MGAT4C: variants seen among roughly 807,000 people sequenced by gnomAD.
The protein encoded by MGAT4C is alpha-1,3-mannosyl-glycoprotein 4-beta-N-acetylglucosaminyltransferase C.
In MGAT4C, 19 loss-of-function variants were observed where a neutral mutation model predicts 40.1. That is an observed-to-expected ratio of 0.47 (90% CI 0.33 to 0.70). MGAT4C has a LOEUF of 0.70. Among genes scored for constraint, MGAT4C ranks in the 30% least tolerant of loss-of-function variants. MGAT4C has a pLI of 0.02. For synonymous variants in MGAT4C, 181 were observed against 187.1 expected (o/e 0.97, Z 0.27); for missense variants, 491 against 563.2 (o/e 0.87, Z 1.30).
At chr12:86,721,860 C>G (rs1216833850) in intron 2 of MGAT4C, among the ~76,000 whole-genome samples, 2 of 152,044 alleles carry the variant, frequency 1.3e-5, no homozygotes, top group Non-Finnish European at 2.9e-5. Flanking sequence ...AAATCTAATA[C>G]TGTATGTTTT....
rs2136577817 is a variant in MGAT4C, at chr12:86,679,996, G to A, written c.-229+47213C>T. Among the ~76,000 whole-genome samples, 4 of 151,986 alleles carry A rather than the reference G, an allele frequency of 2.6e-5. 1 individual carries two copies. Among genetic ancestry groups the A allele is most frequent in the Admixed American group, 2.6e-4 (4 of 15,232 alleles). ...ACCTCATTCACGGCCTTGATAAAAT[G>A]TCACTGATCACACAGGTCTTCCCTC... On this transcript the variant is annotated intron_variant, in intron 2 of 7. Coordinates refer to the MGAT4C transcript ENST00000548651.
chr12:86,501,279 G>C (rs892788449), intron 2 of MGAT4C, among the ~76,000 whole-genome samples: 1 of 152,024 alleles, frequency 6.6e-6, no homozygotes, highest in South Asian at 2.1e-4. Flanking sequence ...CATTACATTG[G>C]AATTTTAAAA....
At chr12:86,707,510 C>T (rs978228166) in intron 2 of MGAT4C, among the ~76,000 whole-genome samples, 26 of 148,758 alleles carry the variant, frequency 1.7e-4, no homozygotes, top group African/African-American at 5.2e-4. Context: ...GGGTATCTGG[C>T]GGAGGAATTT....
chr12:86,612,739 CAAA>C (rs767088175), intron 2 of MGAT4C, among the ~76,000 whole-genome samples: 5 of 58,720 alleles, frequency 8.5e-5, no homozygotes, highest in Non-Finnish European at 7.4e-5. Flanking sequence ...GACTCTGTCT[CAAA>C]AAAAAAAAAA....
chr12:86,566,762 A>ATG (rs1263487682), intron 2 of MGAT4C, among the ~76,000 whole-genome samples: 3 of 129,022 alleles, frequency 2.3e-5, no homozygotes, highest in African/African-American at 8.7e-5. Context: ...GTGTGTGTGT[A>ATG]TATATATATA....
intron 2 of MGAT4C, among the ~76,000 whole-genome samples, chr12:86,472,054 T>G (rs1957765003): frequency 6.6e-6 from 1 of 152,182 alleles, no homozygotes; most frequent in Non-Finnish European, 1.5e-5. Flanking sequence ...TTAGAACATT[T>G]ATCAATGGTG....
At chr12:86,374,644 C>T (rs1366649455) in intron 3 of MGAT4C, among the ~76,000 whole-genome samples, 1 of 151,984 alleles carries the variant, frequency 6.6e-6, no homozygotes, top group Non-Finnish European at 1.5e-5. Flanking sequence ...AGCAATTTGC[C>T]AAGCTGAGAT....
At chr12:86,143,401 C>T (rs1364545730) in intron 1 of MGAT4C, among the ~76,000 whole-genome samples, 2 of 152,130 alleles carry the variant, frequency 1.3e-5, no homozygotes, top group African/African-American at 4.8e-5. Context: ...AGAAGTATGT[C>T]TGGCTTTCTG....
chr12:85,991,693 C>T (rs1885959902), intron 2 of MGAT4C, among the ~76,000 whole-genome samples: 1 of 152,160 alleles, frequency 6.6e-6, no homozygotes, highest in South Asian at 2.1e-4. Context: ...AGATGCTGTG[C>T]CTTGGGGGAA....
chr12:86,355,826 C>G (rs1955296809), intron 3 of MGAT4C, among the ~76,000 whole-genome samples: 1 of 151,884 alleles, frequency 6.6e-6, no homozygotes, highest in Admixed American at 6.6e-5. Flanking sequence ...ATAAAAACAA[C>G]AGTAATGACA....
intron 2 of MGAT4C, among the ~76,000 whole-genome samples, chr12:86,500,884 T>C (rs1958328704): frequency 6.6e-6 from 1 of 152,132 alleles, no homozygotes; most frequent in Non-Finnish European, 1.5e-5. Context: ...GAATTTGATT[T>C]ATTGCTTGAA....
chr12:86,189,289 A>T (rs2135894594), intron 1 of MGAT4C, among the ~76,000 whole-genome samples: 2 of 152,092 alleles, frequency 1.3e-5, no homozygotes, highest in Non-Finnish European at 2.9e-5. Context: ...GTTGCTGGTG[A>T]AATGTCACCT....
At chr12:86,321,574 G>A (rs1042639398) in intron 4 of MGAT4C, among the ~76,000 whole-genome samples, 1 of 152,120 alleles carries the variant, frequency 6.6e-6, no homozygotes, top group African/African-American at 2.4e-5. Flanking sequence ...TTAAAATGCT[G>A]AAAATGGCCG....
intron 4 of MGAT4C, among the ~76,000 whole-genome samples, chr12:86,280,340 TTTATAA>T (rs1237555654): frequency 1.3e-5 from 2 of 151,988 alleles, no homozygotes; most frequent in Admixed American, 6.6e-5. Context: ...TGCATATATA[TTTATAA>T]TTATTATATC....
intron 2 of MGAT4C, among the ~76,000 whole-genome samples, chr12:85,992,563 TAG>T (rs1886080827): frequency 6.6e-6 from 1 of 152,200 alleles, no homozygotes; most frequent in African/African-American, 2.4e-5. Flanking sequence ...TGTTGCAAAC[TAG>T]AGATATTACT....
chr12:86,568,333 C>T (rs1960219137), intron 2 of MGAT4C, among the ~76,000 whole-genome samples: 1 of 151,944 alleles, frequency 6.6e-6, no homozygotes, highest in Admixed American at 6.6e-5. Flanking sequence ...CTTCTGCCCT[C>T]GAACATCAGA....
chr12:86,131,370 G>A (rs1413949699), intron 1 of MGAT4C, among the ~76,000 whole-genome samples: 1 of 151,924 alleles, frequency 6.6e-6, no homozygotes, highest in Non-Finnish European at 1.5e-5. Flanking sequence ...TTCATAGGGT[G>A]AGTTTTCTAT....
chr12:86,507,537 T>G (rs1958491850), intron 2 of MGAT4C, among the ~76,000 whole-genome samples: 1 of 152,200 alleles, frequency 6.6e-6, no homozygotes, highest in African/African-American at 2.4e-5. Flanking sequence ...GTGAAGAATA[T>G]GCTTTCCTTG....
intron 3 of MGAT4C, among the ~76,000 whole-genome samples, chr12:86,424,967 A>G (rs1956898458): frequency 6.6e-6 from 1 of 152,036 alleles, no homozygotes. Context: ...CGTGTTAGCC[A>G]GGATGGTCTT....
Sources: allele counts gnomAD v4.1 joint callset (sites outside exome capture counted in the v4.1 genomes callset), GRCh38; gene constraint gnomAD v4.1.1; transcripts MANE v1.5; gene names NCBI Gene and HGNC (gene_info 2026-07-23, HGNC 2026-07-21).